ITGB6: variants seen among roughly 807,000 people sequenced by gnomAD.
ITGB6 encodes integrin subunit beta 6.
ITGB6 carries 80 observed loss-of-function variants against 84.5 expected under a neutral mutation model. That is an observed-to-expected ratio of 0.95 (90% CI 0.79 to 1.14). ITGB6 has a LOEUF of 1.14. ITGB6 is among the 50% of genes most tolerant of loss of function. The probability of loss-of-function intolerance (pLI) is 0.00; values close to 1 mark genes in which losing one functional copy is unlikely to be tolerated. For missense variants in ITGB6, 1,006 were observed against 968.0 expected (o/e 1.04, Z -0.52); for synonymous variants, 383 against 354.9 (o/e 1.08, Z -0.89).
intron 8 of ITGB6, among the ~76,000 whole-genome samples, chr2:160,139,795 C>T (rs1683922913): frequency 6.6e-6 from 1 of 152,170 alleles, no homozygotes; most frequent in African/African-American, 2.4e-5. Context: ...AGTCAATTCC[C>T]TCCTGGAATT....
chr2:160,166,071 C>T (rs1453931193), intron 7 of ITGB6, among the ~76,000 whole-genome samples: 4 of 152,154 alleles, frequency 2.6e-5, no homozygotes, highest in African/African-American at 9.7e-5. Context: ...ATGAGAAAGA[C>T]CTGTTATTCT....
At chr2:160,171,957 C>A (rs1378020472) in intron 6 of ITGB6, among the ~76,000 whole-genome samples, 1 of 152,140 alleles carries the variant, frequency 6.6e-6, no homozygotes, top group Non-Finnish European at 1.5e-5. Context: ...TGTGCACAAG[C>A]ATAGCAGCCT....
chr2:160,141,182 T>A (rs773872952), intron 8 of ITGB6, among the ~76,000 whole-genome samples: 168 of 152,224 alleles, frequency 1.1e-3, no homozygotes, highest in Non-Finnish European at 2.0e-3. Flanking sequence ...TACTAAAAAA[T>A]TTACTTTTTT....
intron 1 of ITGB6, 128 bp from the exon 2 acceptor site, chr2:160,199,386 C>A: frequency 3.1e-6 from 2 of 639,844 alleles, no homozygotes; most frequent in South Asian, 2.3e-5. Context: ...AAAATCAGTC[C>A]TCGAAATGTT....
At position 160,126,390 on chromosome 2, in the gene ITGB6, A is replaced by T. The variant is rs746882289; in HGVS notation, c.1872T>A (p.Cys624Ter). 3.7e-6 allele frequency: 6 copies of T among 1,614,074 alleles called. No homozygotes were observed. The Admixed American group carries it at 1.0e-4, about 27-fold the overall frequency. The change falls in exon 11 of 15, where the codon TGT (cysteine) becomes TGA (stop). Residue 624 changes from cysteine (C) to a stop codon, truncating the protein, a stop_gained. Coordinates refer to ENST00000283249, the MANE Select transcript of ITGB6 (RefSeq NM_000888.5). LOFTEE classifies it high-confidence loss of function. The part of the protein sequence containing the change: ...CERCPTCGDP[C>*]NSKRSCIECH... ...AGCAGAGACATTACCGTTTAGAGTT[A>T]CAGGGGTCACCACAGGTAGGACATC...
At chr2:160,143,436 C>T (rs1684075994) in intron 7 of ITGB6, among the ~76,000 whole-genome samples, 1 of 152,130 alleles carries the variant, frequency 6.6e-6, no homozygotes, top group Admixed American at 6.5e-5. Context: ...TCTACCTTCT[C>T]CTTGGTGAGC....
chr2:160,171,389 C>G (rs984571231), intron 6 of ITGB6, among the ~76,000 whole-genome samples: 2 of 143,806 alleles, frequency 1.4e-5, no homozygotes, highest in Non-Finnish European at 3.0e-5. Flanking sequence ...GGCTAGAGTG[C>G]AGTGGTGCGA....
chr2:160,112,233 A>T lies in ITGB6; in HGVS notation c.1982-34T>A, dbSNP rs774122395. 4.2e-4 allele frequency: 86 copies of T among 202,694 alleles called. No individual in the cohort carries two copies. The highest frequency in any genetic ancestry group is 1.1e-4 in the Non-Finnish European group (13 of 115,780). 12.6% of individuals were successfully genotyped at this position (202,694 alleles called of 1,614,324 possible). On this transcript the variant is annotated intron_variant, in intron 12 of 14. Coordinates refer to ENST00000283249, the MANE Select transcript of ITGB6 (RefSeq NM_000888.5). Reference sequence around the variant, plus strand: ...AAAGGAGTCATTCATTAGGTTAAACAAGATTCCAAAAGAGATTGTTTTTAA... The same window carrying T: ...AAAGGAGTCATTCATTAGGTTAAACTAGATTCCAAAAGAGATTGTTTTTAA...
At chr2:160,187,360 A>G (rs1476370454) in intron 4 of ITGB6, among the ~76,000 whole-genome samples, 1 of 152,184 alleles carries the variant, frequency 6.6e-6, no homozygotes, top group Non-Finnish European at 1.5e-5. Flanking sequence ...ACAACATGAA[A>G]CATTCACTGA....
chr2:160,103,304 G>A (rs1465143191), intron 14 of ITGB6, among the ~76,000 whole-genome samples: 1 of 152,194 alleles, frequency 6.6e-6, no homozygotes, highest in Non-Finnish European at 1.5e-5. Context: ...CCCTCATTGT[G>A]AGTGGGAATC....
chr2:160,122,019 T>A (rs1683062410), intron 12 of ITGB6, among the ~76,000 whole-genome samples: 1 of 151,876 alleles, frequency 6.6e-6, no homozygotes, highest in Non-Finnish European at 1.5e-5. Context: ...ATCAGTAACA[T>A]AACTGGATGA....
Position 160,101,780 on chromosome 2 carries a change from T to A in ITGB6, c.2323A>T (p.Lys775Ter), listed in dbSNP as rs201494177. ...TCTACCTTTTGTTTTTCCCTGTGTT[T>A]ATAAGTTACATTTTTAAAAGTACTT... ...STSTFKNVTY[K>*]HREKQKVDLS... Residue 775 changes from lysine (K) to a stop codon, truncating the protein, a stop_gained, in exon 15 of 15, where the codon AAA (lysine) becomes TAA (stop). Coordinates refer to ENST00000283249, the MANE Select transcript of ITGB6 (RefSeq NM_000888.5). LOFTEE classifies it high-confidence loss of function. The A allele has an allele frequency of 6.2e-6, 10 of 1,603,622 alleles. No homozygotes were observed. Among genetic ancestry groups the A allele is most frequent in the Non-Finnish European group, 8.5e-6 (10 of 1,170,690 alleles).
At chr2:160,160,563 G>A (rs1289456653) in intron 7 of ITGB6, among the ~76,000 whole-genome samples, 3 of 152,040 alleles carry the variant, frequency 2.0e-5, no homozygotes, top group East Asian at 3.8e-4. Flanking sequence ...TAGTCCCTTG[G>A]TAGGATATTT....
At chr2:160,180,989 C>T (rs1036966307) in intron 4 of ITGB6, among the ~76,000 whole-genome samples, 8 of 152,202 alleles carry the variant, frequency 5.3e-5, no homozygotes, top group African/African-American at 1.9e-4. Flanking sequence ...GTCTTCACAA[C>T]CCCCAGACCA....
chr2:160,113,244 C>A (rs1460430719), intron 12 of ITGB6, among the ~76,000 whole-genome samples: 3 of 152,152 alleles, frequency 2.0e-5, no homozygotes, highest in African/African-American at 7.2e-5. Context: ...CTCCCATTAG[C>A]TTAAAAATAA....
chr2:160,153,312 A>T (rs565932875), intron 7 of ITGB6, among the ~76,000 whole-genome samples: 7 of 152,238 alleles, frequency 4.6e-5, no homozygotes, highest in Non-Finnish European at 8.8e-5. Context: ...ATCTTTGACA[A>T]ACCTGACAAA....
chr2:160,197,803 A>C (rs1424522046), intron 2 of ITGB6, among the ~76,000 whole-genome samples: 1 of 152,206 alleles, frequency 6.6e-6, no homozygotes, highest in African/African-American at 2.4e-5. Context: ...ACCTCTATTC[A>C]TAGCCTTTGC....
chr2:160,162,362 G>A (rs1684851114), intron 7 of ITGB6, among the ~76,000 whole-genome samples: 1 of 151,946 alleles, frequency 6.6e-6, no homozygotes, highest in Non-Finnish European at 1.5e-5. Flanking sequence ...GTACATATAT[G>A]TGTACATATA....
chr2:160,150,125 C>T (rs1187405700), intron 7 of ITGB6, among the ~76,000 whole-genome samples: 1 of 152,008 alleles, frequency 6.6e-6, no homozygotes, highest in Non-Finnish European at 1.5e-5. Context: ...AGATACTCCT[C>T]GAGAAGGGAA....
Sources: gnomAD v4.1 joint callset for allele counts (sites outside exome capture counted in the v4.1 genomes callset) on GRCh38, gnomAD v4.1.1 for gene constraint, MANE v1.5 for transcripts, NCBI Gene and HGNC (gene_info 2026-07-23, HGNC 2026-07-21) for gene names.